SCAPER: variants seen among roughly 807,000 people sequenced by gnomAD.
The protein encoded by SCAPER is S phase cyclin A-associated protein in the endoplasmic reticulum.
In SCAPER, 98 loss-of-function variants were observed where a neutral mutation model predicts 182.2. The ratio of observed to expected loss-of-function variants is 0.54; its 90% CI spans 0.46 to 0.64. The LOEUF is 0.64. Ranked by LOEUF, SCAPER falls within the 30% of genes least tolerant of loss-of-function variation. The pLI is 0.00. For missense variants in SCAPER, 1,432 were observed against 1,690.0 expected (o/e 0.85, Z 2.68); for synonymous variants, 605 against 564.6 (o/e 1.07, Z -1.01).
chr15:76,535,196 T>A (rs569777659), intron 23 of SCAPER, among the ~76,000 whole-genome samples: 1 of 152,112 alleles, frequency 6.6e-6, no homozygotes, highest in African/African-American at 2.4e-5. Context: ...TTCATGCCCA[T>A]GACACATTAT....
At chr15:76,757,416 TC>T (rs2062507355) in intron 14 of SCAPER, among the ~76,000 whole-genome samples, 2 of 152,036 alleles carry the variant, frequency 1.3e-5, no homozygotes, top group South Asian at 4.2e-4. Flanking sequence ...TGTCAAAATT[TC>T]ATTCTTCTTA....
intron 18 of SCAPER, among the ~76,000 whole-genome samples, chr15:76,704,419 A>T (rs903974695): frequency 2.0e-5 from 3 of 152,150 alleles, no homozygotes; most frequent in African/African-American, 7.2e-5. Flanking sequence ...CTGAATGGTA[A>T]TGCCTAGGTT....
chr15:76,706,882 A>G (rs1448006258), intron 17 of SCAPER, among the ~76,000 whole-genome samples: 1 of 151,808 alleles, frequency 6.6e-6, no homozygotes, highest in Non-Finnish European at 1.5e-5. Flanking sequence ...CACACACACA[A>G]AGAAATGTAT....
intron 23 of SCAPER, among the ~76,000 whole-genome samples, chr15:76,535,113 C>T (rs952593244): frequency 2.0e-5 from 3 of 152,116 alleles, no homozygotes; most frequent in Non-Finnish European, 4.4e-5. Flanking sequence ...GTTAGACACA[C>T]TCAGTGGGTC....
intron 22 of SCAPER, among the ~76,000 whole-genome samples, chr15:76,581,200 T>C (rs1294338397): frequency 6.6e-6 from 1 of 152,170 alleles, no homozygotes. Flanking sequence ...CAGGACCTGA[T>C]GGCTTCACTA....
chr15:76,689,070 G>A (rs1333358780), intron 20 of SCAPER, among the ~76,000 whole-genome samples: 1 of 151,648 alleles, frequency 6.6e-6, no homozygotes, highest in Non-Finnish European at 1.5e-5. Flanking sequence ...GGATGGTCTC[G>A]ATCTCCTGAC....
intron 5 of SCAPER, among the ~76,000 whole-genome samples, chr15:76,824,123 A>G (rs924675542): frequency 1.3e-5 from 2 of 152,214 alleles, no homozygotes; most frequent in African/African-American, 4.8e-5. Flanking sequence ...AAGCAGCTGG[A>G]GCAACCTCAT....
intron 21 of SCAPER, among the ~76,000 whole-genome samples, chr15:76,647,917 C>T (rs1007238123): frequency 2.6e-5 from 4 of 151,902 alleles, no homozygotes; most frequent in Non-Finnish European, 5.9e-5. Context: ...AGTTTAAAAC[C>T]GTATTTTCAG....
chr15:76,716,222 C>G (rs1315420073), intron 17 of SCAPER, among the ~76,000 whole-genome samples: 1 of 152,094 alleles, frequency 6.6e-6, no homozygotes, highest in Admixed American at 6.6e-5. Flanking sequence ...AACTAAGAAG[C>G]TGCATGATAA....
intron 22 of SCAPER, among the ~76,000 whole-genome samples, chr15:76,620,834 C>T (rs992158790): frequency 1.1e-4 from 17 of 151,942 alleles, no homozygotes; most frequent in African/African-American, 9.7e-5. Flanking sequence ...AGGGGAACAA[C>T]ACATGCTGGG....
intron 14 of SCAPER, among the ~76,000 whole-genome samples, chr15:76,757,856 T>C (rs116952016): frequency 0.011 from 1,638 of 152,320 alleles, 15 homozygotes; most frequent in Middle Eastern, 0.041. Flanking sequence ...CTGATCATTA[T>C]AGATGCTGAG....
chr15:76,727,432 G>C (rs1324500090), intron 17 of SCAPER, among the ~76,000 whole-genome samples: 2 of 151,984 alleles, frequency 1.3e-5, no homozygotes, highest in Non-Finnish European at 1.5e-5. Context: ...TCCACGAGCA[G>C]ACCCACACAT....
chr15:76,636,033 T>C (rs74024162), intron 21 of SCAPER, among the ~76,000 whole-genome samples: 7,877 of 152,304 alleles, frequency 0.052, 615 homozygotes, highest in African/African-American at 0.17. Flanking sequence ...GTGTTGTCTT[T>C]ATGTGGCATT....
chr15:76,443,021 G>A (rs145764019), intron 25 of SCAPER, among the ~76,000 whole-genome samples: 3 of 152,256 alleles, frequency 2.0e-5, no homozygotes, highest in African/African-American at 7.2e-5. Context: ...GATAAACAGC[G>A]AAAGTTGGGG....
chr15:76,665,831 A>G, intron 20 of SCAPER, 42 bp from the exon 21 acceptor site: 2 of 1,427,678 alleles, frequency 1.4e-6, no homozygotes, highest in Non-Finnish European at 1.9e-6. Context: ...GAGGATGATC[A>G]TTTAAATATA....
intron 27 of SCAPER, among the ~76,000 whole-genome samples, chr15:76,388,959 C>CA (rs11378514): frequency 0.29 from 42,834 of 145,470 alleles, 7,053 homozygotes; most frequent in East Asian, 0.58. Context: ...GACTCCATCT[C>CA]AAAAAAAAAA....
chr15:76,512,524 A>G (rs1253381783), intron 23 of SCAPER, among the ~76,000 whole-genome samples: 1 of 152,014 alleles, frequency 6.6e-6, no homozygotes, highest in Admixed American at 6.6e-5. Context: ...GTCGACAGGG[A>G]AATCAAGCAG....
rs117540156 is a variant in SCAPER at position 76,832,303 on chromosome 15, A to C, written c.393+9431T>G. Among the ~76,000 whole-genome samples, 1,474 of 152,332 alleles carry C rather than the reference A, an allele frequency of 9.7e-3. 13 individuals carry two copies. Among genetic ancestry groups the C allele is most frequent in the Non-Finnish European group, 0.013 (891 of 68,014 alleles). On this transcript the variant is annotated intron_variant, in intron 5 of 31. Coordinates refer to ENST00000563290, the MANE Select transcript of SCAPER (RefSeq NM_020843.4). ...GAAAGAACCAAACTGAACTTCTGGA[A>C]ATGAAAAATTCACTACAGGAATTTC... is the stretch of plus-strand genomic sequence containing the variant.
chr15:76,810,122 A>G (rs558470789), intron 5 of SCAPER, among the ~76,000 whole-genome samples: 3 of 152,318 alleles, frequency 2.0e-5, no homozygotes, highest in African/African-American at 7.2e-5. Flanking sequence ...GTTCACATTG[A>G]AACAAAAATA....
Sources: gnomAD v4.1 joint callset for allele counts (sites outside exome capture counted in the v4.1 genomes callset) on GRCh38, gnomAD v4.1.1 for gene constraint, MANE v1.5 for transcripts, NCBI Gene and HGNC (gene_info 2026-07-23, HGNC 2026-07-21) for gene names.